Variants in CRMP1 observed in about 807,000 individuals in gnomAD.
The protein encoded by CRMP1 is dihydropyrimidinase-related protein 1.
In CRMP1, 19 loss-of-function variants were observed where a neutral mutation model predicts 68.3. The ratio of observed to expected loss-of-function variants is 0.28; its 90% CI spans 0.19 to 0.41. The LOEUF is 0.41. CRMP1 is among the 10% of genes least tolerant of loss of function. The probability of loss-of-function intolerance (pLI) is 1.00; values close to 1 mark genes in which losing one functional copy is unlikely to be tolerated. For missense variants in CRMP1, 791 were observed against 967.4 expected, an observed-to-expected ratio of 0.82 and a Z score of 2.42; for synonymous variants, 439 against 399.6, an observed-to-expected ratio of 1.10 and a Z score of -1.18.
intron 1 of CRMP1, among the ~76,000 whole-genome samples, chr4:5,868,261 C>CCATA (rs1714138968): frequency 1.8e-5 from 2 of 111,472 alleles, no homozygotes; most frequent in African/African-American, 6.9e-5. Flanking sequence ...GACTATATAT[C>CCATA]TATATATATA....
intron 13 of CRMP1, chr4:5,824,906 AG>A: frequency 1.0e-6 from 1 of 985,428 alleles, no homozygotes; most frequent in South Asian, 4.7e-5. Context: ...GAAAGTCAGG[AG>A]GGATCAGGTC....
chr4:5,876,097 G>A (rs1241636088), intron 1 of CRMP1, among the ~76,000 whole-genome samples: 1 of 151,514 alleles, frequency 6.6e-6, no homozygotes, highest in Non-Finnish European at 1.5e-5. Context: ...AGCTTGCAGT[G>A]AGCCGAGATC....
chr4:5,861,615 A>T lies in CRMP1; in HGVS notation c.471-405T>A, dbSNP rs1312624899. On this transcript the variant is annotated intron_variant, in intron 2 of 13. Transcript: ENST00000324989. The surrounding 1 kb of genome is among the most constrained non-coding windows in gnomAD (Gnocchi z 6.0). ...ACTTCCTCCAGGAGGTTAAATTCCA[A>T]ATGGGGAAGGAGGGAAAAGAGCCTA... is the stretch of plus-strand genomic sequence containing the variant. 2.6e-5 allele frequency among the ~76,000 whole-genome samples: 4 copies of T among 152,078 alleles called. No individual in the cohort carries two copies. The highest frequency in any genetic ancestry group is 6.5e-5 in the Admixed American group (1 of 15,274).
chr4:5,890,220 T>A lies in CRMP1; in HGVS notation c.381+2369A>T, dbSNP rs1577857631. On this transcript the variant is annotated intron_variant, in intron 1 of 13. Transcript: ENST00000324989. The surrounding 1 kb of genome is among the most constrained non-coding windows in gnomAD (Gnocchi z 5.5). ...GTTCCCTGGGGTCAGTCTGGAGATC[T>A]GAGCAGAAAGCCCCTACAGCAAGGG... The A allele has an allele frequency of 6.3e-6, 1 of 159,586 alleles. No homozygotes were observed. Among genetic ancestry groups the A allele is most frequent in the East Asian group, 1.7e-4 (1 of 5,724 alleles). 9.9% of individuals were successfully genotyped at this position (159,586 alleles called of 1,614,324 possible). A position where few individuals can be genotyped will look rare whatever the true frequency, so the allele number is the denominator to read the frequency against.
chr4:5,868,441 A>G (rs1438002189), intron 1 of CRMP1, among the ~76,000 whole-genome samples: 1 of 151,316 alleles, frequency 6.6e-6, no homozygotes, highest in African/African-American at 2.4e-5. Flanking sequence ...AGCTGGAACT[A>G]CAGGTACCTG....
chr4:5,873,072 C>A (rs947976119), intron 1 of CRMP1, among the ~76,000 whole-genome samples: 9 of 152,222 alleles, frequency 5.9e-5, no homozygotes, highest in Non-Finnish European at 1.3e-4. Flanking sequence ...GAACTCCACT[C>A]TATAAATCAT....
chr4:5,839,935 T>C (rs13125595), intron 8 of CRMP1, among the ~76,000 whole-genome samples: 73,026 of 152,128 alleles, frequency 0.48, 18,929 homozygotes, highest in African/African-American at 0.69. Context: ...CCTGTGGATA[T>C]GGCTGTTGCT....
rs550844021 is a variant in CRMP1, at chr4:5,886,202, T to C, written c.381+6387A>G. 3.3e-5 allele frequency among the ~76,000 whole-genome samples: 5 copies of C among 152,302 alleles called. No individual in the cohort carries two copies. In the East Asian group the frequency reaches 9.7e-4, roughly 29 times the overall value. ...CAGGAACTAAGCATAACTTACAGCC[T>C]CTCTCCTTCCCATGCTCATTGAAAC... On this transcript the variant is annotated intron_variant, in intron 1 of 13. Transcript: ENST00000324989.
In CRMP1 at chr4:5,843,732, A is replaced by T. The variant is rs1183512948; in HGVS notation, c.964-571T>A. Among the ~76,000 whole-genome samples, 3 of 152,120 alleles carry T rather than the reference A, an allele frequency of 2.0e-5. No homozygotes were observed. Among genetic ancestry groups the T allele is most frequent in the Non-Finnish European group, 4.4e-5 (3 of 68,018 alleles). Reference sequence around the variant, plus strand: ...CTACGCTGATCAGATGAGCGAGCATACGAAACATGCTCAGCACAAAACCTG... The same window carrying T: ...CTACGCTGATCAGATGAGCGAGCATTCGAAACATGCTCAGCACAAAACCTG... On this transcript the variant is annotated intron_variant, in intron 6 of 13. Coordinates refer to ENST00000324989, the MANE Select transcript of CRMP1 (RefSeq NM_001014809.3). The surrounding 1 kb of genome is among the most constrained non-coding windows in gnomAD (Gnocchi z 4.1).
chr4:5,836,741 T>C, intron 10 of CRMP1, 24 bp downstream of exon 10: 1 of 1,613,974 alleles, frequency 6.2e-7, no homozygotes, highest in African/African-American at 1.3e-5. Flanking sequence ...TCTAGAATGC[T>C]CCTGAGAAGA....
At chr4:5,840,530 A>G (rs1029950706) in intron 8 of CRMP1, among the ~76,000 whole-genome samples, 1 of 152,252 alleles carries the variant, frequency 6.6e-6, no homozygotes, top group Non-Finnish European at 1.5e-5. Context: ...TTCTGCAGCG[A>G]GGGGGGTGCC....
In CRMP1 at chr4:5,825,896, TACAG is replaced by T; in HGVS notation, c.1804-241_1804-238del. ...ATCTACATACCCACATGCATACACA[TACAG>T]ACGCACACACCACGCACACGCACTC... On this transcript the variant is annotated intron_variant, in intron 12 of 13. Coordinates refer to ENST00000324989, the MANE Select transcript of CRMP1 (RefSeq NM_001014809.3). This position sits in a 1 kb window ranked among gnomAD's most constrained non-coding sequence, Gnocchi z 4.4. The T allele has an allele frequency of 9.4e-6, 5 of 533,836 alleles. No individual in the cohort carries two copies. The highest frequency in any genetic ancestry group is 3.4e-5 in the East Asian group (1 of 29,494). 33.1% of individuals were successfully genotyped at this position (533,836 alleles called of 1,614,324 possible).
rs1206535629 is a variant in CRMP1, at chr4:5,842,634, A to ACACG, written c.1032+455_1032+458dup. On this transcript the variant is annotated intron_variant, in intron 7 of 13. Transcript: ENST00000324989. This position sits in a 1 kb window ranked among gnomAD's most constrained non-coding sequence, Gnocchi z 4.5. ...CACACACACTCACTCACACACACAC[A>ACACG]CACGCACTGTCTCTCTCACACACAC... Among the ~76,000 whole-genome samples the ACACG allele has an allele frequency of 6.6e-6, 1 of 151,082 alleles. No individual in the cohort carries two copies. Among genetic ancestry groups the ACACG allele is most frequent in the Non-Finnish European group, 1.5e-5 (1 of 67,780 alleles).
intron 6 of CRMP1, among the ~76,000 whole-genome samples, chr4:5,848,483 A>G (rs985361141): frequency 2.0e-5 from 3 of 152,018 alleles, no homozygotes. Context: ...GTGAGCCACA[A>G]CTCCCAGCTT....
Position 5,893,047 on chromosome 4 carries a change from G to C in CRMP1, c.-78C>G, listed in dbSNP as rs565104030. 1.8e-4 allele frequency: 171 copies of C among 957,070 alleles called. 3 individuals carry two copies. In the South Asian group the frequency reaches 6.7e-3, roughly 37 times the overall value. 59.3% of individuals were successfully genotyped at this position (957,070 alleles called of 1,614,324 possible). Reference sequence around the variant, plus strand: ...TGGGCACCGCCGTGCGCCGCGCTCCGCGCCTCGGTGCGGGCCTGCGGCGGC... The same window carrying C: ...TGGGCACCGCCGTGCGCCGCGCTCCCCGCCTCGGTGCGGGCCTGCGGCGGC... On this transcript the variant is annotated 5_prime_UTR_variant, in exon 1 of 14. Transcript: ENST00000324989.
chr4:5,836,756 C>T lies in CRMP1; in HGVS notation c.1452+9G>A. On this transcript the variant is annotated intron_variant, in intron 10 of 13. Coordinates refer to ENST00000324989, the MANE Select transcript of CRMP1 (RefSeq NM_001014809.3). The stretch of plus-strand genomic sequence containing the variant: ...TCTAGAATGCTCCTGAGAAGAGATC[C>T]AGCCTTACCACCGCCTTGTCCCAGA... 7 of 1,614,050 alleles carry T rather than the reference C, an allele frequency of 4.3e-6. No individual in the cohort carries two copies. Among genetic ancestry groups the T allele is most frequent in the Non-Finnish European group, 5.9e-6 (7 of 1,179,960 alleles).
Position 5,838,989 on chromosome 4 carries a change from A to G in CRMP1, c.1310+533T>C, listed in dbSNP as rs1437800336. Among the ~76,000 whole-genome samples, 1 of 152,148 alleles carries G rather than the reference A, an allele frequency of 6.6e-6. No individual in the cohort carries two copies. The highest frequency in any genetic ancestry group is 2.4e-5 in the African/African-American group (1 of 41,438). ...TAAGTGCTCTTCCCTCCTGGTGGCTAACAGAAGGGAAGGGGCTGAGGTGCT... is the reference window on the plus strand; with the variant it reads ...TAAGTGCTCTTCCCTCCTGGTGGCTGACAGAAGGGAAGGGGCTGAGGTGCT... On this transcript the variant is annotated intron_variant, in intron 9 of 13. Transcript: ENST00000324989. This position sits in a 1 kb window ranked among gnomAD's most constrained non-coding sequence, Gnocchi z 4.9.
At position 5,850,597 on chromosome 4, in the gene CRMP1, T is replaced by C. The variant is rs1051331857; in HGVS notation, c.882+811A>G. Among the ~76,000 whole-genome samples, 10 of 152,182 alleles carry C rather than the reference T, an allele frequency of 6.6e-5. No homozygotes were observed. The highest frequency in any genetic ancestry group is 2.4e-4 in the African/African-American group (10 of 41,450). On this transcript the variant is annotated intron_variant, in intron 5 of 13. Coordinates refer to ENST00000324989, the MANE Select transcript of CRMP1 (RefSeq NM_001014809.3). The surrounding 1 kb of genome is among the most constrained non-coding windows in gnomAD (Gnocchi z 4.4). The stretch of plus-strand genomic sequence containing the variant: ...TGGCACCATTCTCTGCTAGGCACCA[T>C]CCTAGCACTTTACTCTTCTTATGAA...
rs897478081 is a variant in CRMP1 at position 5,872,183 on chromosome 4, G to T, written c.382-5427C>A. ...AAGATCAACGGGCCTTGCCTTCTAA[G>T]GCTGCCTTTCTCATGCAGGAAATAT... On this transcript the variant is annotated intron_variant, in intron 1 of 13. Coordinates refer to ENST00000324989, the MANE Select transcript of CRMP1 (RefSeq NM_001014809.3). This position sits in a 1 kb window ranked among gnomAD's most constrained non-coding sequence, Gnocchi z 4.6. 3.3e-5 allele frequency among the ~76,000 whole-genome samples: 5 copies of T among 151,958 alleles called. No homozygotes were observed. Among genetic ancestry groups the T allele is most frequent in the African/African-American group, 1.2e-4 (5 of 41,342 alleles).
Sources: gnomAD v4.1 joint callset for allele counts (sites outside exome capture counted in the v4.1 genomes callset) on GRCh38, gnomAD v4.1.1 for gene constraint, Gnocchi (gnomAD v3.1) non-coding constraint, MANE v1.5 for transcripts, NCBI Gene and HGNC (gene_info 2026-07-23, HGNC 2026-07-21) for gene names.